The following ADGRB3 variants were observed in gnomAD, a reference collection of about 807,000 sequenced individuals.
ADGRB3 encodes brain-specific angiogenesis inhibitor 3.
ADGRB3 carries 37 observed loss-of-function variants against 193.4 expected under a neutral mutation model. That is an observed-to-expected ratio of 0.19 (90% CI 0.15 to 0.25). The LOEUF (loss-of-function observed/expected upper bound fraction) is 0.25, where lower values mean the gene tolerates loss of function less well. Among genes scored for constraint, ADGRB3 ranks in the 10% least tolerant of loss-of-function variants. The pLI is 1.00. For synonymous variants in ADGRB3, 690 were observed against 644.2 expected, an observed-to-expected ratio of 1.07 and a Z score of -1.08; for missense variants, 1,637 against 1,852.9, an observed-to-expected ratio of 0.88 and a Z score of 2.14.
At chr6:69,263,064 G>A (rs1766964978) in intron 20 of ADGRB3, among the ~76,000 whole-genome samples, 1 of 151,916 alleles carries the variant, frequency 6.6e-6, no homozygotes, top group African/African-American at 2.4e-5. Flanking sequence ...TCAAAATTGA[G>A]GTTACCTGTA....
At chr6:68,767,331 G>C (rs1476200084) in intron 3 of ADGRB3, among the ~76,000 whole-genome samples, 1 of 152,068 alleles carries the variant, frequency 6.6e-6, no homozygotes. Flanking sequence ...ACATCAAAAA[G>C]CTTATCCACC....
intron 3 of ADGRB3, among the ~76,000 whole-genome samples, chr6:68,696,800 G>C (rs577132030): frequency 6.6e-6 from 1 of 152,120 alleles, no homozygotes; most frequent in Admixed American, 6.6e-5. Flanking sequence ...TCAACATGAA[G>C]CAAATTTAGA....
chr6:69,258,196 AAAG>A (rs1043796975), intron 20 of ADGRB3, among the ~76,000 whole-genome samples: 1 of 134,546 alleles, frequency 7.4e-6, no homozygotes, highest in Non-Finnish European at 1.7e-5. Context: ...AATTATAAGA[AAAG>A]AAAAAAATTC....
intron 3 of ADGRB3, among the ~76,000 whole-genome samples, chr6:68,653,124 G>A (rs567033105): frequency 6.6e-6 from 1 of 152,060 alleles, no homozygotes; most frequent in African/African-American, 2.4e-5. Context: ...AAGTGTCTTT[G>A]TTTCTAGCAT....
At chr6:69,225,034 G>A (rs1398675530) in intron 17 of ADGRB3, among the ~76,000 whole-genome samples, 2 of 151,930 alleles carry the variant, frequency 1.3e-5, no homozygotes, top group African/African-American at 4.8e-5. Flanking sequence ...TCTGTCTCCT[G>A]GACTGTTTTG....
intron 3 of ADGRB3, among the ~76,000 whole-genome samples, chr6:68,759,858 A>G (rs1374294002): frequency 7.9e-5 from 12 of 152,106 alleles, no homozygotes; most frequent in Admixed American, 7.9e-4. Flanking sequence ...AATAGCATAA[A>G]TTATTTCATT....
chr6:69,016,717 G>C (rs969498526), intron 12 of ADGRB3, among the ~76,000 whole-genome samples: 1 of 151,794 alleles, frequency 6.6e-6, no homozygotes, highest in Non-Finnish European at 1.5e-5. Context: ...AAGCTTGTAG[G>C]AGACTATTTA....
chr6:68,692,933 C>T (rs549329405), intron 3 of ADGRB3, among the ~76,000 whole-genome samples: 51 of 150,922 alleles, frequency 3.4e-4, no homozygotes, highest in African/African-American at 1.1e-3. Flanking sequence ...GATACAGATT[C>T]GTAAACATAT....
chr6:69,255,318 C>T lies in ADGRB3; in HGVS notation c.2814+16092C>T, dbSNP rs942762152. Among the ~76,000 whole-genome samples the T allele has an allele frequency of 3.2e-3, 487 of 152,206 alleles. 1 individual carries two copies. The highest frequency in any genetic ancestry group is 0.011 in the African/African-American group (460 of 41,516). On this transcript the variant is annotated intron_variant, in intron 20 of 31. Transcript: ENST00000370598. Reference sequence around the variant, plus strand: ...ACAATGGTTGAACTAGTTTACAGTCCCACCAACAGTGTAAAAGTGTTCCTA... The same window carrying T: ...ACAATGGTTGAACTAGTTTACAGTCTCACCAACAGTGTAAAAGTGTTCCTA...
intron 16 of ADGRB3, among the ~76,000 whole-genome samples, chr6:69,066,688 G>A (rs1771920052): frequency 6.6e-6 from 1 of 151,982 alleles, no homozygotes; most frequent in Non-Finnish European, 1.5e-5. Context: ...TATAAAGTTA[G>A]GGTATATGGT....
Position 68,636,076 on chromosome 6 carries a change from G to A in ADGRB3, c.-188+76G>A, listed in dbSNP as rs192261671. ...GTGGAGCTTTGGGCTTAATGTTTGA[G>A]AAGGGAGGAAAATGAAAGGAAAGGC... On this transcript the variant is annotated intron_variant, in intron 1 of 31. Coordinates refer to ENST00000370598, the MANE Select transcript of ADGRB3 (RefSeq NM_001704.3). 4.3e-3 allele frequency: 653 copies of A among 152,910 alleles called. 6 individuals carry two copies. Among genetic ancestry groups the A allele is most frequent in the Non-Finnish European group, 3.5e-3 (241 of 68,234 alleles). The allele number at this position is 152,910 out of a possible 1,614,324, so 9.5% of individuals were successfully genotyped here.
intron 3 of ADGRB3, among the ~76,000 whole-genome samples, chr6:68,744,306 AACC>A (rs1347951583): frequency 6.6e-6 from 1 of 152,192 alleles, no homozygotes; most frequent in Non-Finnish European, 1.5e-5. Context: ...AAATTAGTTC[AACC>A]ATTGTGGAAG....
At chr6:69,237,129 A>G (rs1766281352) in intron 19 of ADGRB3, among the ~76,000 whole-genome samples, 1 of 151,986 alleles carries the variant, frequency 6.6e-6, no homozygotes, top group South Asian at 2.1e-4. Context: ...AGCCCCACAC[A>G]ATTGTGAAGT....
chr6:69,152,056 A>T (rs1774695343), intron 17 of ADGRB3, among the ~76,000 whole-genome samples: 1 of 152,216 alleles, frequency 6.6e-6, no homozygotes, highest in South Asian at 2.1e-4. Flanking sequence ...CTCCCCAGCC[A>T]TGCTGAACTG....
chr6:68,897,845 A>G (rs1268586459), intron 3 of ADGRB3, among the ~76,000 whole-genome samples: 1 of 149,356 alleles, frequency 6.7e-6, no homozygotes, highest in Non-Finnish European at 1.5e-5. Flanking sequence ...AAAGAGAAAG[A>G]AAGAAGAAAA....
At chr6:69,304,517 T>A (rs571168943) in intron 20 of ADGRB3, among the ~76,000 whole-genome samples, 5 of 151,678 alleles carry the variant, frequency 3.3e-5, no homozygotes, top group Non-Finnish European at 5.9e-5. Flanking sequence ...CAATTTTCTG[T>A]CTTCTTTATG....
At chr6:69,303,340 A>T (rs1401967557) in intron 20 of ADGRB3, among the ~76,000 whole-genome samples, 3 of 151,832 alleles carry the variant, frequency 2.0e-5, no homozygotes, top group Non-Finnish European at 4.4e-5. Flanking sequence ...AGTTACACCG[A>T]GTGTGCCTGC....
At chr6:68,748,087 G>T (rs1291759152) in intron 3 of ADGRB3, among the ~76,000 whole-genome samples, 1 of 152,084 alleles carries the variant, frequency 6.6e-6, no homozygotes, top group East Asian at 1.9e-4. Flanking sequence ...CTCCCATTGG[G>T]TCCCTCCCAC....
chr6:69,302,427 A>G (rs1767966526), intron 20 of ADGRB3, among the ~76,000 whole-genome samples: 1 of 151,924 alleles, frequency 6.6e-6, no homozygotes, highest in South Asian at 2.1e-4. Flanking sequence ...CCGAAGTCAG[A>G]AAGTACCTTG....
Sources: allele counts gnomAD v4.1 joint callset (sites outside exome capture counted in the v4.1 genomes callset), GRCh38; gene constraint gnomAD v4.1.1; transcripts MANE v1.5; gene names NCBI Gene and HGNC (gene_info 2026-07-23, HGNC 2026-07-21).